NECAB1: variants seen among roughly 807,000 people sequenced by gnomAD.
The protein encoded by NECAB1 is N-terminal EF-hand calcium binding protein 1.
Under a neutral mutation model 57.5 loss-of-function variants are expected in NECAB1, and 29 were observed. The ratio of observed to expected loss-of-function variants is 0.50; its 90% confidence interval spans 0.38 to 0.69. NECAB1 has a LOEUF of 0.69. Among genes scored for constraint, NECAB1 ranks in the 30% least tolerant of loss-of-function variants. The probability of loss-of-function intolerance (pLI) is 0.00; values close to 1 mark genes in which losing one functional copy is unlikely to be tolerated. For missense variants in NECAB1, 372 were observed against 413.8 expected, an observed-to-expected ratio of 0.90 and a Z score of 0.88; for synonymous variants, 142 against 147.7, an observed-to-expected ratio of 0.96 and a Z score of 0.28.
intron 2 of NECAB1, among the ~76,000 whole-genome samples, chr8:90,818,547 T>C (rs868744578): frequency 1.3e-5 from 2 of 152,206 alleles, no homozygotes; most frequent in African/African-American, 2.4e-5. Flanking sequence ...TTTCACTGCA[T>C]ATTCTTACTG....
At chr8:90,941,400 C>G (rs2130240514) in intron 10 of NECAB1, among the ~76,000 whole-genome samples, 1 of 152,328 alleles carries the variant, frequency 6.6e-6, no homozygotes, top group Admixed American at 6.5e-5. Flanking sequence ...AATGAAGCAG[C>G]AGCAGATCTT....
rs1811064287 is a variant in NECAB1 at position 90,958,059 on chromosome 8, T to G, written c.*2547T>G. ...GAGTTTACACTTACTTACCTATATATCAGCAGATTTTTCTGGAAGAAACCC... is the reference window on the plus strand; with the variant it reads ...GAGTTTACACTTACTTACCTATATAGCAGCAGATTTTTCTGGAAGAAACCC... On this transcript the variant is annotated 3_prime_UTR_variant, in exon 13 of 13. Coordinates refer to ENST00000417640, the MANE Select transcript of NECAB1 (RefSeq NM_022351.5). The G allele has an allele frequency of 6.7e-6, 1 of 148,806 alleles. No homozygotes were observed. Among genetic ancestry groups the G allele is most frequent in the South Asian group, 2.1e-4 (1 of 4,784 alleles). 9.2% of individuals were successfully genotyped at this position (148,806 alleles called of 1,614,324 possible). A position where few individuals can be genotyped will look rare whatever the true frequency, so the allele number is the denominator to read the frequency against.
intron 6 of NECAB1, among the ~76,000 whole-genome samples, chr8:90,919,545 A>G (rs1310326552): frequency 6.6e-6 from 1 of 152,202 alleles, no homozygotes; most frequent in Non-Finnish European, 1.5e-5. Flanking sequence ...GTCACAGGGA[A>G]GTACTCTTTA....
At chr8:90,883,998 G>A (rs1563516802) in intron 5 of NECAB1, among the ~76,000 whole-genome samples, 2 of 152,136 alleles carry the variant, frequency 1.3e-5, no homozygotes, top group Non-Finnish European at 2.9e-5. Flanking sequence ...GGGATTCCCT[G>A]TTTATTAGTA....
At chr8:90,887,138 C>T (rs1476715609) in intron 5 of NECAB1, among the ~76,000 whole-genome samples, 1 of 152,126 alleles carries the variant, frequency 6.6e-6, no homozygotes, top group African/African-American at 2.4e-5. Flanking sequence ...ACTGATATTA[C>T]AGCTTGAACA....
chr8:90,889,169 C>T lies in NECAB1; in HGVS notation c.357+8039C>T, dbSNP rs548451344. ...TAATAATAATAATGTAATAACATAG[C>T]TAACATCTATGGAGCCATTACCAGT... On this transcript the variant is annotated intron_variant, in intron 5 of 12. Coordinates refer to ENST00000417640, the MANE Select transcript of NECAB1 (RefSeq NM_022351.5). Among the ~76,000 whole-genome samples, 18 of 152,228 alleles carry T rather than the reference C, an allele frequency of 1.2e-4. No individual in the cohort carries two copies. The South Asian group carries it at 3.3e-3, about 28-fold the overall frequency.
At chr8:90,833,274 CAG>C (rs1035878212) in intron 3 of NECAB1, among the ~76,000 whole-genome samples, 15 of 152,068 alleles carry the variant, frequency 9.9e-5, no homozygotes, top group African/African-American at 3.6e-4. Context: ...AGAGTACTCA[CAG>C]AGTTTTACTG....
At chr8:90,855,545 G>T (rs1812778105) in intron 3 of NECAB1, among the ~76,000 whole-genome samples, 2 of 152,228 alleles carry the variant, frequency 1.3e-5, no homozygotes, top group Admixed American at 6.5e-5. Flanking sequence ...GCAATAGCTT[G>T]TGAAATATGA....
At chr8:90,948,282 C>T (rs1207424976) in intron 10 of NECAB1, among the ~76,000 whole-genome samples, 1 of 152,110 alleles carries the variant, frequency 6.6e-6, no homozygotes, top group Non-Finnish European at 1.5e-5. Context: ...ATCACAAATT[C>T]CACCTTCCAT....
At chr8:90,917,718 A>T in intron 6 of NECAB1, 90 bp downstream of exon 6, 1 of 1,240,846 alleles carries the variant, frequency 8.1e-7, no homozygotes, top group Non-Finnish European at 1.1e-6. Context: ...ACTAGCAAAA[A>T]CTAAAAAAGA....
chr8:90,942,907 A>G (rs1026723266), intron 10 of NECAB1, among the ~76,000 whole-genome samples: 2 of 152,246 alleles, frequency 1.3e-5, no homozygotes, highest in African/African-American at 4.8e-5. Flanking sequence ...TGCAAACAGT[A>G]CCTATATATA....
At chr8:90,922,136 T>A (rs1170380355) in intron 6 of NECAB1, among the ~76,000 whole-genome samples, 4 of 152,242 alleles carry the variant, frequency 2.6e-5, no homozygotes, top group African/African-American at 9.6e-5. Context: ...TATATGGAAG[T>A]TTCCCCCTAG....
chr8:90,917,992 A>ATG (rs200468114), intron 6 of NECAB1, among the ~76,000 whole-genome samples: 2 of 97,336 alleles, frequency 2.1e-5, no homozygotes, highest in Non-Finnish European at 3.8e-5. Flanking sequence ...ATATACATAT[A>ATG]TGTGTGTGTG....
At chr8:90,921,609 G>T (rs919063830) in intron 6 of NECAB1, among the ~76,000 whole-genome samples, 1 of 152,040 alleles carries the variant, frequency 6.6e-6, no homozygotes, top group East Asian at 1.9e-4. Context: ...AGGAGGCGGA[G>T]GTTGCAGTAA....
chr8:90,860,936 A>G (rs566408781), intron 3 of NECAB1, among the ~76,000 whole-genome samples: 1 of 152,210 alleles, frequency 6.6e-6, no homozygotes, highest in East Asian at 1.9e-4. Context: ...TCGTAAGTTA[A>G]ATGTCAGGGG....
intron 2 of NECAB1, among the ~76,000 whole-genome samples, chr8:90,816,879 G>A (rs939971212): frequency 3.3e-5 from 5 of 151,538 alleles, no homozygotes; most frequent in African/African-American, 1.2e-4. Context: ...AGGTAACATT[G>A]AATCAATAGA....
intron 9 of NECAB1, among the ~76,000 whole-genome samples, chr8:90,935,468 T>A (rs1265078075): frequency 6.6e-6 from 1 of 152,088 alleles, no homozygotes; most frequent in Non-Finnish European, 1.5e-5. Flanking sequence ...CCCAACATTT[T>A]AAAATGGTAG....
At chr8:90,940,641 C>T (rs1193862223) in intron 9 of NECAB1, 145 bp from the exon 10 acceptor site, 2 of 633,128 alleles carry the variant, frequency 3.2e-6, no homozygotes, top group Non-Finnish European at 5.6e-6. Flanking sequence ...CAGTTTTATA[C>T]TTGGAATAGT....
intron 1 of NECAB1, among the ~76,000 whole-genome samples, chr8:90,800,540 G>T (rs1468973410): frequency 6.6e-6 from 1 of 152,064 alleles, no homozygotes; most frequent in African/African-American, 2.4e-5. Flanking sequence ...AAGGAAGGTT[G>T]GATTTTATCA....
Sources: allele counts gnomAD v4.1 joint callset (sites outside exome capture counted in the v4.1 genomes callset), GRCh38; gene constraint gnomAD v4.1.1; transcripts MANE v1.5; gene names NCBI Gene and HGNC (gene_info 2026-07-23, HGNC 2026-07-21).